SH3BGRL2: variants seen among roughly 807,000 people sequenced by gnomAD.
The protein encoded by SH3BGRL2 is SH3 domain binding glutamate rich protein like 2.
In SH3BGRL2, 21 loss-of-function variants were observed where a neutral mutation model predicts 14.8. The observed-to-expected ratio is 1.42, with a 90% confidence interval of 1.01 to 2.05. SH3BGRL2 has a LOEUF of 2.05. Ranked by LOEUF, SH3BGRL2 falls within the 30% of genes most tolerant of loss-of-function variation. The pLI, the probability that SH3BGRL2 is intolerant of heterozygous loss-of-function variation, is 0.00. For synonymous variants in SH3BGRL2, 50 were observed against 47.8 expected, an observed-to-expected ratio of 1.05 and a Z score of -0.19; for missense variants, 147 against 130.8, an observed-to-expected ratio of 1.12 and a Z score of -0.61.
intron 1 of SH3BGRL2, among the ~76,000 whole-genome samples, chr6:79,650,268 T>C (rs139247570): frequency 6.6e-6 from 1 of 152,220 alleles, no homozygotes; most frequent in Non-Finnish European, 1.5e-5. Context: ...AGAAATAGCA[T>C]TGAATCTCCA....
chr6:79,539,520 C>T, the SH3BGRL2 span, among the ~76,000 whole-genome samples: 12 of 152,142 alleles, frequency 7.9e-5, no homozygotes, highest in Admixed American at 2.0e-4. Context: ...TTTTTAATAT[C>T]CTGGGCTTCT....
intron 1 of SH3BGRL2, among the ~76,000 whole-genome samples, chr6:79,672,555 C>CTTTA (rs1769795295): frequency 6.6e-6 from 1 of 151,986 alleles, no homozygotes; most frequent in African/African-American, 2.4e-5. Context: ...TTTTAAGCTG[C>CTTTA]ATACTATTAA....
chr6:79,687,372 G>A (rs546021548), intron 2 of SH3BGRL2, among the ~76,000 whole-genome samples: 1 of 152,156 alleles, frequency 6.6e-6, no homozygotes, highest in East Asian at 1.9e-4. Flanking sequence ...TTGGCTCTTG[G>A]GTAAGAGGGG....
At chr6:79,668,859 C>T (rs1274325895) in intron 1 of SH3BGRL2, among the ~76,000 whole-genome samples, 3 of 152,122 alleles carry the variant, frequency 2.0e-5, no homozygotes. Context: ...AGTCTTTTTT[C>T]GCATCAGGGT....
chr6:79,685,772 T>C (rs1415229344), intron 2 of SH3BGRL2, among the ~76,000 whole-genome samples: 1 of 152,186 alleles, frequency 6.6e-6, no homozygotes, highest in East Asian at 1.9e-4. Flanking sequence ...AATCCTACTT[T>C]ACTAAATCCC....
chr6:79,671,857 A>G (rs573881163), intron 1 of SH3BGRL2, among the ~76,000 whole-genome samples: 1 of 152,342 alleles, frequency 6.6e-6, no homozygotes, highest in East Asian at 1.9e-4. Flanking sequence ...AGGCTGTGGT[A>G]GTGTGACACA....
intron 3 of SH3BGRL2, 86 bp downstream of exon 3, chr6:79,696,651 T>C: frequency 1.1e-6 from 1 of 947,274 alleles, no homozygotes; most frequent in Non-Finnish European, 1.6e-6. Context: ...GTTAGAGGAA[T>C]GCATATATAA....
At chr6:79,594,358 C>T in the SH3BGRL2 span, among the ~76,000 whole-genome samples, 2 of 152,160 alleles carry the variant, frequency 1.3e-5, no homozygotes, top group Admixed American at 1.3e-4. Flanking sequence ...GTTGAGGCTT[C>T]TCCTGCATGA....
chr6:79,650,571 T>G (rs1769266752), intron 1 of SH3BGRL2, among the ~76,000 whole-genome samples: 1 of 152,056 alleles, frequency 6.6e-6, no homozygotes, highest in African/African-American at 2.4e-5. Flanking sequence ...AGGCATCACA[T>G]GGAGAGAGGA....
the SH3BGRL2 span, among the ~76,000 whole-genome samples, chr6:79,615,673 AG>A: frequency 6.6e-6 from 1 of 152,316 alleles, no homozygotes; most frequent in African/African-American, 2.4e-5. Context: ...TTTTACTTTA[AG>A]GGTCTTTGGT....
At chr6:79,676,424 C>A (rs1769882863) in intron 2 of SH3BGRL2, among the ~76,000 whole-genome samples, 1 of 152,096 alleles carries the variant, frequency 6.6e-6, no homozygotes, top group Admixed American at 6.5e-5. Context: ...ACAGATGATG[C>A]CTCCAGTTCC....
At chr6:79,577,245 T>C in the SH3BGRL2 span, among the ~76,000 whole-genome samples, 1 of 152,240 alleles carries the variant, frequency 6.6e-6, no homozygotes, top group South Asian at 2.1e-4. Context: ...TTTAGCCTTA[T>C]GCCAATATCA....
chr6:79,661,310 C>T (rs1769542198), intron 1 of SH3BGRL2, among the ~76,000 whole-genome samples: 1 of 152,158 alleles, frequency 6.6e-6, no homozygotes. Context: ...AAATGTGTCC[C>T]ATAGATTCTG....
chr6:79,542,184 T>TA, the SH3BGRL2 span, among the ~76,000 whole-genome samples: 1 of 152,154 alleles, frequency 6.6e-6, no homozygotes, highest in South Asian at 2.1e-4. Flanking sequence ...TACCACCACT[T>TA]ACACCAGTGC....
At chr6:79,658,490 G>T (rs1276617997) in intron 1 of SH3BGRL2, among the ~76,000 whole-genome samples, 1 of 152,164 alleles carries the variant, frequency 6.6e-6, no homozygotes, top group Non-Finnish European at 1.5e-5. Context: ...TTTTATGGCT[G>T]CATAGTATTC....
chr6:79,627,907 G>A (rs1768761720), upstream of SH3BGRL2, among the ~76,000 whole-genome samples: 1 of 151,928 alleles, frequency 6.6e-6, no homozygotes, highest in Admixed American at 6.6e-5. Flanking sequence ...AGAATTTAGG[G>A]GGTTCATGGA....
chr6:79,695,488 A>T (rs1264615964), intron 2 of SH3BGRL2, among the ~76,000 whole-genome samples: 1 of 152,104 alleles, frequency 6.6e-6, no homozygotes, highest in Non-Finnish European at 1.5e-5. Flanking sequence ...GCGCTCAGTG[A>T]CTCCAGCACA....
chr6:79,652,982 C>A (rs1769326339), intron 1 of SH3BGRL2, among the ~76,000 whole-genome samples: 1 of 152,052 alleles, frequency 6.6e-6, no homozygotes, highest in African/African-American at 2.4e-5. Context: ...GCCACCTTTC[C>A]CTACCCTGTG....
chr6:79,692,328 T>C (rs1008469787), intron 2 of SH3BGRL2, among the ~76,000 whole-genome samples: 3 of 152,222 alleles, frequency 2.0e-5, no homozygotes, highest in African/African-American at 7.2e-5. Context: ...CTGATGGTAG[T>C]TTCTTTTGCT....
Sources: gnomAD v4.1 joint callset for allele counts (sites outside exome capture counted in the v4.1 genomes callset) on GRCh38, gnomAD v4.1.1 for gene constraint, MANE v1.5 for transcripts, NCBI Gene and HGNC (gene_info 2026-07-23, HGNC 2026-07-21) for gene names.